The following RIPOR1 variants were observed in gnomAD, a reference collection of about 807,000 sequenced individuals.
RIPOR1 encodes the protein rho family-interacting cell polarization regulator 1.
Under a neutral mutation model 116.5 loss-of-function variants are expected in RIPOR1, and 58 were observed. The observed-to-expected ratio is 0.50, with a 90% CI of 0.40 to 0.62. The LOEUF (loss-of-function observed/expected upper bound fraction) is 0.62, where lower values mean the gene tolerates loss of function less well. Ranked by LOEUF, RIPOR1 falls within the 20% of genes least tolerant of loss-of-function variation. The probability of loss-of-function intolerance (pLI) is 0.00; values close to 1 mark genes in which losing one functional copy is unlikely to be tolerated. For missense variants in RIPOR1, 1,372 were observed against 1,586.2 expected, an observed-to-expected ratio of 0.86 and a Z score of 2.29; for synonymous variants, 605 against 650.0, an observed-to-expected ratio of 0.93 and a Z score of 1.05.
chr16:67,529,593 G>A lies in RIPOR1; in HGVS notation c.-24+679G>A, dbSNP rs140179437. 6.5e-6 allele frequency: 4 copies of A among 613,156 alleles called. No homozygotes were observed. In the East Asian group the frequency reaches 8.5e-5, roughly 13 times the overall value. The allele number at this position is 613,156 out of a possible 1,614,324, so 38.0% of individuals were successfully genotyped here. On this transcript the variant is annotated intron_variant, in intron 1 of 21. Coordinates refer to ENST00000042381, the MANE Select transcript of RIPOR1 (RefSeq NM_024519.4). The surrounding 1 kb of genome is among the most constrained non-coding windows in gnomAD (Gnocchi z 4.1). ...AAGGGGCTGCTCACCAGGGCTAGAGGTCGGATTCAGTCCAGATTCAGCACC... is the reference window on the plus strand; with the variant it reads ...AAGGGGCTGCTCACCAGGGCTAGAGATCGGATTCAGTCCAGATTCAGCACC...
chr16:67,544,535 C>A lies in RIPOR1; in HGVS notation c.2733+104C>A. On this transcript the variant is annotated intron_variant, in intron 15 of 21. Coordinates refer to ENST00000042381, the MANE Select transcript of RIPOR1 (RefSeq NM_024519.4). The surrounding 1 kb of genome is among the most constrained non-coding windows in gnomAD (Gnocchi z 5.1). The stretch of plus-strand genomic sequence containing the variant: ...TATACCTCCTCTGAGTGCCACACCC[C>A]AGTGCCCCAGGGCCCTTGGCATCTG... 6.5e-7 allele frequency: 1 copy of A among 1,534,872 alleles called. No individual in the cohort carries two copies. The highest frequency in any genetic ancestry group is 8.8e-7 in the Non-Finnish European group (1 of 1,133,192).
chr16:67,526,934 A>C (rs1015468058), upstream of RIPOR1, among the ~76,000 whole-genome samples: 4 of 152,326 alleles, frequency 2.6e-5, no homozygotes, highest in Non-Finnish European at 5.9e-5. Context: ...GGATGGGGAC[A>C]ATGCTGAGGA....
intron 1 of RIPOR1, among the ~76,000 whole-genome samples, chr16:67,532,610 CTGT>C (rs933222880): frequency 2.4e-4 from 36 of 152,248 alleles, no homozygotes; most frequent in African/African-American, 8.2e-4. Flanking sequence ...TGGGAAATAG[CTGT>C]TGTTATTATT....
chr16:67,542,477 G>A lies in RIPOR1; in HGVS notation c.1691G>A (p.Ser564Asn). 1 of 1,613,662 alleles carries A rather than the reference G, an allele frequency of 6.2e-7. No homozygotes were observed. ...ATTACCACTACCCACAGTGCTCCAA[G>A]CCCCCTCACTCACACTACTACAGGC... is the stretch of plus-strand genomic sequence containing the variant. The part of the protein sequence containing the change: ...SAITTTHSAP[S>N]PLTHTTTGST... Residue 564 changes from serine to asparagine, a missense_variant, in exon 13 of 22, where the codon AGC becomes AAC. Transcript: ENST00000042381. The surrounding 1 kb of genome is among the most constrained non-coding windows in gnomAD (Gnocchi z 4.6).
In RIPOR1 at chr16:67,543,355, A is replaced by G. The variant is rs755406061; in HGVS notation, c.2486A>G (p.Gln829Arg). 3.1e-6 allele frequency: 5 copies of G among 1,607,682 alleles called. No individual in the cohort carries two copies. The change falls in exon 14 of 22, where the codon CAA (glutamine) becomes CGA (arginine). Residue 829 changes from glutamine (Q) to arginine (R), a missense_variant. Coordinates refer to ENST00000042381, the MANE Select transcript of RIPOR1 (RefSeq NM_024519.4). This position sits in a 1 kb window ranked among gnomAD's most constrained non-coding sequence, Gnocchi z 4.7. The stretch of plus-strand genomic sequence containing the variant: ...TGCCCTTCACAACCTCAGCAGAGAC[A>G]AGGTCTGACTCGCAGCCGGGCCTCC... ...TRLESLLMQR[Q>R]GLTRSRASSL... is the part of the protein sequence containing the mutation.
chr16:67,546,355 A>C lies in RIPOR1; in HGVS notation c.3563-11A>C. On this transcript the variant is annotated splice_polypyrimidine_tract_variant and intron_variant, in intron 21 of 21. Coordinates refer to ENST00000042381, the MANE Select transcript of RIPOR1 (RefSeq NM_024519.4). ...TAGGGCCACCCTTGACCTCATCCTC[A>C]CTCATTACAGGAGAAGAGGGACAGT... 1 of 1,612,720 alleles carries C rather than the reference A, an allele frequency of 6.2e-7. No individual in the cohort carries two copies.
In RIPOR1 at chr16:67,543,573, A is replaced by C; in HGVS notation, c.2600+104A>C. 1 of 1,486,286 alleles carries C rather than the reference A, an allele frequency of 6.7e-7. No homozygotes were observed. Among genetic ancestry groups the C allele is most frequent in the South Asian group, 1.3e-5 (1 of 79,192 alleles). The allele number at this position is 1,486,286 out of a possible 1,614,324, so 92.1% of individuals were successfully genotyped here. A position where few individuals can be genotyped will look rare whatever the true frequency, so the allele number is the denominator to read the frequency against. On this transcript the variant is annotated intron_variant, in intron 14 of 21. Coordinates refer to ENST00000042381, the MANE Select transcript of RIPOR1 (RefSeq NM_024519.4). This position sits in a 1 kb window ranked among gnomAD's most constrained non-coding sequence, Gnocchi z 4.7. ...GTGAATTGGGAGAAAGTCAAAGGAC[A>C]GGACAGGTGAGGCAGGGCCAGGTGG...
Position 67,546,535 on chromosome 16 carries a change from G to A in RIPOR1, c.*72G>A. 1.6e-6 allele frequency: 2 copies of A among 1,270,270 alleles called. No homozygotes were observed. The highest frequency in any genetic ancestry group is 2.3e-6 in the Non-Finnish European group (2 of 881,548). 78.7% of individuals were successfully genotyped at this position (1,270,270 alleles called of 1,614,324 possible). A position where few individuals can be genotyped will look rare whatever the true frequency, so the allele number is the denominator to read the frequency against. On this transcript the variant is annotated 3_prime_UTR_variant, in exon 22 of 22. Coordinates refer to ENST00000042381, the MANE Select transcript of RIPOR1 (RefSeq NM_024519.4). ...GGCTCACCAGGCACTGGCAGGGAGG[G>A]TAAGGGCTGGCTCCAGATACCCCTC...
chr16:67,534,378 C>CA (rs2050739425), intron 1 of RIPOR1, among the ~76,000 whole-genome samples: 1 of 152,178 alleles, frequency 6.6e-6, no homozygotes, highest in African/African-American at 2.4e-5. Flanking sequence ...CTCAGCCTCC[C>CA]AAAGTGCTAG....
rs1275032748 is a variant in RIPOR1, at chr16:67,529,577, C to T, written c.-24+663C>T. The T allele has an allele frequency of 8.7e-6, 5 of 574,772 alleles. No homozygotes were observed. In the Admixed American group the frequency reaches 1.6e-4, roughly 18 times the overall value. 35.6% of individuals were successfully genotyped at this position (574,772 alleles called of 1,614,324 possible). A position where few individuals can be genotyped will look rare whatever the true frequency, so the allele number is the denominator to read the frequency against. On this transcript the variant is annotated intron_variant, in intron 1 of 21. Transcript: ENST00000042381. This position sits in a 1 kb window ranked among gnomAD's most constrained non-coding sequence, Gnocchi z 4.1. ...CAGAACTGGTTTGGGCAAGGGGCTG[C>T]TCACCAGGGCTAGAGGTCGGATTCA...
chr16:67,541,308 G>T lies in RIPOR1; in HGVS notation c.802-122G>T. 9.8e-7 allele frequency: 1 copy of T among 1,024,042 alleles called. No individual in the cohort carries two copies. 63.4% of individuals were successfully genotyped at this position (1,024,042 alleles called of 1,614,324 possible). The stretch of plus-strand genomic sequence containing the variant: ...TGGTCTTGAACTCCTGGCCTTAAGT[G>T]ATCCTCCTGCCTCAGCCTCCCATGA... On this transcript the variant is annotated intron_variant, in intron 10 of 21. Transcript: ENST00000042381. This position sits in a 1 kb window ranked among gnomAD's most constrained non-coding sequence, Gnocchi z 4.6.
Position 67,538,541 on chromosome 16 carries a change from G to T in RIPOR1, c.95G>T (p.Arg32Leu), listed in dbSNP as rs770755744. Reference protein sequence around the residue: ...SFAGVLGSHERGPRSFPVFSP... With the variant: ...SFAGVLGSHELGPRSFPVFSP... ...GCAGGCGTCCTCGGCAGCCACGAGCGGGGGCCCAGGTACGCGGCCGCGCAG... is the reference window on the plus strand; with the variant it reads ...GCAGGCGTCCTCGGCAGCCACGAGCTGGGGCCCAGGTACGCGGCCGCGCAG... The change falls in exon 2 of 22, where the codon CGG (arginine) becomes CTG (leucine). Residue 32 changes from arginine (R) to leucine (L), a missense_variant. Physicochemically the swap from Arg to Leu is moderately radical, Grantham distance 102. This residue lies in a region of RIPOR1 where 165 missense variants were observed against 145.5 expected (regional missense o/e 1.13). Transcript: ENST00000042381. 1.9e-6 allele frequency: 3 copies of T among 1,611,972 alleles called. No individual in the cohort carries two copies. Among genetic ancestry groups the T allele is most frequent in the Non-Finnish European group, 2.5e-6 (3 of 1,179,198 alleles).
chr16:67,522,191 AT>A lies in RIPOR1; in HGVS notation c.-24+3607del, dbSNP rs34835336. ...TACAGGCGTGTGCCACCACGCCCAG[AT>A]TTTTTTTTTTTTTTTTTTTTTTTTT... is the stretch of plus-strand genomic sequence containing the variant. On this transcript the variant is annotated intron_variant, in intron 1 of 1. Transcript: ENST00000562116. Among the ~76,000 whole-genome samples the A allele has an allele frequency of 3.2e-3, 228 of 71,312 alleles. 1 individual carries two copies. Among genetic ancestry groups the A allele is most frequent in the East Asian group, 9.5e-3 (21 of 2,218 alleles). The allele number at this position is 71,312 out of a possible 152,430, so 46.8% of individuals were successfully genotyped here.
Position 67,544,266 on chromosome 16 carries a change from C to T in RIPOR1, c.2601-33C>T. On this transcript the variant is annotated intron_variant, in intron 14 of 21. Transcript: ENST00000042381. This position sits in a 1 kb window ranked among gnomAD's most constrained non-coding sequence, Gnocchi z 5.1. ...GCTGGTGACCAGGTGGTGATGTGTGCCTGTGGGGTGGTGGACCCCATTTTT... is the reference window on the plus strand; with the variant it reads ...GCTGGTGACCAGGTGGTGATGTGTGTCTGTGGGGTGGTGGACCCCATTTTT... 1 of 1,580,374 alleles carries T rather than the reference C, an allele frequency of 6.3e-7. No homozygotes were observed. Among genetic ancestry groups the T allele is most frequent in the Non-Finnish European group, 8.7e-7 (1 of 1,155,818 alleles).
chr16:67,521,810 A>G (rs181317701), intron 1 of RIPOR1, among the ~76,000 whole-genome samples: 31 of 152,372 alleles, frequency 2.0e-4, no homozygotes, highest in Admixed American at 1.7e-3. Context: ...AGATGGCCCA[A>G]TAAGTAATGG....
chr16:67,544,451 C>T lies in RIPOR1; in HGVS notation c.2733+20C>T. On this transcript the variant is annotated intron_variant, in intron 15 of 21. Coordinates refer to ENST00000042381, the MANE Select transcript of RIPOR1 (RefSeq NM_024519.4). The surrounding 1 kb of genome is among the most constrained non-coding windows in gnomAD (Gnocchi z 5.1). Reference sequence around the variant, plus strand: ...CTGCTGGTGAGGCTGATGGTGTTCCCCCACCCTTCCTTTGTAACCCCTAAC... The same window carrying T: ...CTGCTGGTGAGGCTGATGGTGTTCCTCCACCCTTCCTTTGTAACCCCTAAC... The T allele has an allele frequency of 1.3e-6, 2 of 1,594,828 alleles. No homozygotes were observed. The highest frequency in any genetic ancestry group is 1.7e-6 in the Non-Finnish European group (2 of 1,170,734).
At position 67,546,513 on chromosome 16, in the gene RIPOR1, T is replaced by C. The variant is rs1436285559; in HGVS notation, c.*50T>C. On this transcript the variant is annotated 3_prime_UTR_variant, in exon 22 of 22. Coordinates refer to ENST00000042381, the MANE Select transcript of RIPOR1 (RefSeq NM_024519.4). The stretch of plus-strand genomic sequence containing the variant: ...GCCCCTTTCCCCCCACTTTCAGGGC[T>C]CACCAGGCACTGGCAGGGAGGGTAA... 6.7e-7 allele frequency: 1 copy of C among 1,502,832 alleles called. No homozygotes were observed. Among genetic ancestry groups the C allele is most frequent in the Non-Finnish European group, 9.2e-7 (1 of 1,082,028 alleles). The allele number at this position is 1,502,832 out of a possible 1,614,324, so 93.1% of individuals were successfully genotyped here. A position where few individuals can be genotyped will look rare whatever the true frequency, so the allele number is the denominator to read the frequency against.
In RIPOR1 at chr16:67,537,913, A is replaced by G. The variant is rs113551444; in HGVS notation, c.-23-511A>G. ...CGCTGGCAGGCGGGGGGCGGGCGAC[A>G]AACCCGCACCGGCTGGGCCTGTCGG... On this transcript the variant is annotated intron_variant, in intron 1 of 21. Coordinates refer to ENST00000042381, the MANE Select transcript of RIPOR1 (RefSeq NM_024519.4). The surrounding 1 kb of genome is among the most constrained non-coding windows in gnomAD (Gnocchi z 4.6). Among the ~76,000 whole-genome samples, 1,457 of 151,758 alleles carry G rather than the reference A, an allele frequency of 9.6e-3. 27 individuals are homozygous for G. Among genetic ancestry groups the G allele is most frequent in the African/African-American group, 0.033 (1,355 of 41,420 alleles).
intron 3 of RIPOR1, 82 bp from the exon 4 acceptor site, chr16:67,538,908 A>G (rs1597639651): frequency 2.5e-6 from 4 of 1,609,306 alleles, no homozygotes; most frequent in Non-Finnish European, 3.4e-6. Context: ...CTCCAGCCCC[A>G]TGCCCTCTCC....
Sources: allele counts gnomAD v4.1 joint callset (sites outside exome capture counted in the v4.1 genomes callset), GRCh38; gene constraint gnomAD v4.1.1; regional missense constraint gnomAD v4.1.1; non-coding constraint Gnocchi (gnomAD v3.1); transcripts MANE v1.5; gene names NCBI Gene and HGNC (gene_info 2026-07-23, HGNC 2026-07-21).